FREM2: variants seen among roughly 807,000 people sequenced by gnomAD.
FREM2 encodes FRAS1 related extracellular matrix 2, also known as FRAS1-related extracellular matrix protein 2.
FREM2 carries 119 observed loss-of-function variants against 219.9 expected under a neutral mutation model. The ratio of observed to expected loss-of-function variants is 0.54; its 90% CI spans 0.47 to 0.63. The LOEUF is 0.63. Among genes scored for constraint, FREM2 ranks in the 30% least tolerant of loss-of-function variants. The pLI is 0.00. For synonymous variants in FREM2, 1,562 were observed against 1,522.8 expected (o/e 1.03, Z -0.60); for missense variants, 4,030 against 3,993.6 (o/e 1.01, Z -0.25).
chr13:38,815,459 T>C (rs957865708), intron 6 of FREM2, among the ~76,000 whole-genome samples: 1 of 152,164 alleles, frequency 6.6e-6, no homozygotes, highest in Non-Finnish European at 1.5e-5. Flanking sequence ...GAAAAACCTT[T>C]AGCTAGACTA....
intron 6 of FREM2, among the ~76,000 whole-genome samples, chr13:38,788,744 T>A (rs1292533520): frequency 6.6e-6 from 1 of 152,134 alleles, no homozygotes; most frequent in Non-Finnish European, 1.5e-5. Flanking sequence ...TTTTTGTCTT[T>A]TTCTCATTGA....
chr13:38,703,554 A>C (rs956057190), intron 2 of FREM2, among the ~76,000 whole-genome samples: 1 of 152,174 alleles, frequency 6.6e-6, no homozygotes, highest in African/African-American at 2.4e-5. Context: ...TCAAGTCATC[A>C]GGGTGTTTCT....
chr13:38,727,075 G>A (rs145598685), intron 2 of FREM2, among the ~76,000 whole-genome samples: 16 of 152,240 alleles, frequency 1.1e-4, no homozygotes, highest in African/African-American at 3.4e-4. Context: ...CTTGTTGGAC[G>A]TAGTTTTTGA....
intron 6 of FREM2, among the ~76,000 whole-genome samples, chr13:38,797,708 T>G (rs1214133594): frequency 1.3e-5 from 2 of 152,056 alleles, no homozygotes; most frequent in African/African-American, 4.8e-5. Context: ...TTTCCCCATT[T>G]TTTTCCTAGT....
At chr13:38,799,068 T>A (rs1285740199) in intron 6 of FREM2, among the ~76,000 whole-genome samples, 1 of 149,532 alleles carries the variant, frequency 6.7e-6, no homozygotes, top group African/African-American at 2.6e-5. Flanking sequence ...CGCATCATTA[T>A]GTTGTTTATT....
chr13:38,785,737 C>G (rs965786512), intron 6 of FREM2, among the ~76,000 whole-genome samples: 6 of 152,150 alleles, frequency 3.9e-5, no homozygotes, highest in African/African-American at 1.4e-4. Flanking sequence ...ATGGTACTGG[C>G]TCCTCTGTAC....
chr13:38,812,850 T>C (rs961934155), intron 6 of FREM2, among the ~76,000 whole-genome samples: 2 of 149,952 alleles, frequency 1.3e-5, no homozygotes, highest in African/African-American at 4.9e-5. Flanking sequence ...ACCACTGCAC[T>C]CCAGTCTGGG....
chr13:38,882,105 A>G lies in FREM2; in HGVS notation c.*1318A>G, dbSNP rs1231685883. 3 of 152,206 alleles carry G rather than the reference A, an allele frequency of 2.0e-5. No homozygotes were observed. Among genetic ancestry groups the G allele is most frequent in the Non-Finnish European group, 2.9e-5 (2 of 68,036 alleles). 9.4% of individuals were successfully genotyped at this position (152,206 alleles called of 1,614,324 possible). Reference sequence around the variant, plus strand: ...TGCTTACCATTCACCTCCCAAAGCCAAGGAACTTGAGTGAGCTTCCTTGGC... The same window carrying G: ...TGCTTACCATTCACCTCCCAAAGCCGAGGAACTTGAGTGAGCTTCCTTGGC... On this transcript the variant is annotated 3_prime_UTR_variant, in exon 24 of 24. Transcript: ENST00000280481.
At chr13:38,712,165 A>G (rs1403082070) in intron 2 of FREM2, among the ~76,000 whole-genome samples, 1 of 151,850 alleles carries the variant, frequency 6.6e-6, no homozygotes, top group Non-Finnish European at 1.5e-5. Flanking sequence ...AAGTGCTGGG[A>G]TTACAGGCGT....
In FREM2 at chr13:38,884,114, T is replaced by A. The variant is rs1484398967; in HGVS notation, c.*3327T>A. 6.6e-6 allele frequency: 1 copy of A among 152,202 alleles called. No homozygotes were observed. Among genetic ancestry groups the A allele is most frequent in the East Asian group, 1.9e-4 (1 of 5,192 alleles). 9.4% of individuals were successfully genotyped at this position (152,202 alleles called of 1,614,324 possible). On this transcript the variant is annotated 3_prime_UTR_variant, in exon 24 of 24. Transcript: ENST00000280481. Reference sequence around the variant, plus strand: ...GAAGAATCCACAGTGTTTGAACAATTTGCATAAAGGTCAGCTAGCATCCTG... The same window carrying A: ...GAAGAATCCACAGTGTTTGAACAATATGCATAAAGGTCAGCTAGCATCCTG...
intron 6 of FREM2, among the ~76,000 whole-genome samples, chr13:38,799,931 CTG>C (rs1429705767): frequency 3.9e-5 from 6 of 152,062 alleles, no homozygotes; most frequent in African/African-American, 1.4e-4. Context: ...TTCAGCCAGT[CTG>C]TATCTTTCAA....
chr13:38,743,596 A>G (rs1418114841), intron 2 of FREM2, among the ~76,000 whole-genome samples: 1 of 152,150 alleles, frequency 6.6e-6, no homozygotes, highest in East Asian at 1.9e-4. Context: ...GCAAGTACAG[A>G]AAGTCTTGTA....
rs1231063477 is a variant in FREM2 at position 38,687,468 on chromosome 13, A to G, written c.124A>G (p.Ser42Gly). The change falls in exon 1 of 24, where the codon AGC becomes GGC. Residue 42 changes from serine (S) to glycine (G), a missense_variant. By Grantham distance (56) the Ser-to-Gly change is moderately conservative. Coordinates refer to ENST00000280481, the MANE Select transcript of FREM2 (RefSeq NM_207361.6). ...LLLLLLLSLV[S>G]RVPAQPAAFG... ...GCTGCTGCTTCTCCTGTCACTGGTA[A>G]GCCGCGTCCCGGCACAGCCCGCTGC... 1.3e-6 allele frequency: 2 copies of G among 1,591,678 alleles called. No homozygotes were observed. The highest frequency in any genetic ancestry group is 8.5e-7 in the Non-Finnish European group (1 of 1,169,796).
At position 38,692,342 on chromosome 13, in the gene FREM2, A is replaced by T; in HGVS notation, c.4998A>T (p.Thr1666=). Residue 1666 remains threonine (T), a synonymous_variant, in exon 1 of 24, where the codon ACA becomes ACT. Coordinates refer to ENST00000280481, the MANE Select transcript of FREM2 (RefSeq NM_207361.6). ...TCGCAGTGAATAAGGGGGCCTCTACACTTCGCACTCTAGCCACTGGCCACT... is the reference window on the plus strand; with the variant it reads ...TCGCAGTGAATAAGGGGGCCTCTACTCTTCGCACTCTAGCCACTGGCCACT... ...PQIAVNKGAS[T]LRTLATGHLG... is the part of the protein sequence containing the mutation. The T allele has an allele frequency of 1.2e-6, 2 of 1,604,430 alleles. No individual in the cohort carries two copies. Among genetic ancestry groups the T allele is most frequent in the Admixed American group, 3.4e-5 (2 of 59,088 alleles).
chr13:38,781,378 C>T (rs1874111534), intron 4 of FREM2, among the ~76,000 whole-genome samples: 1 of 152,118 alleles, frequency 6.6e-6, no homozygotes, highest in Non-Finnish European at 1.5e-5. Flanking sequence ...TTAGGCCCCT[C>T]TACTCACACC....
intron 4 of FREM2, among the ~76,000 whole-genome samples, chr13:38,782,678 G>A (rs1383818834): frequency 6.6e-6 from 1 of 152,192 alleles, no homozygotes; most frequent in Non-Finnish European, 1.5e-5. Context: ...TTCCTCATCT[G>A]CAAAGTGGGA....
chr13:38,705,850 C>T (rs143925049), intron 2 of FREM2, among the ~76,000 whole-genome samples: 7 of 152,132 alleles, frequency 4.6e-5, no homozygotes, highest in African/African-American at 1.4e-4. Flanking sequence ...CTTCCTTTCT[C>T]CTGTCTTTCT....
At chr13:38,714,140 C>T (rs868258386) in intron 2 of FREM2, among the ~76,000 whole-genome samples, 5 of 152,222 alleles carry the variant, frequency 3.3e-5, no homozygotes, top group African/African-American at 7.2e-5. Context: ...ATATTTGTGT[C>T]CTGAGCAGTG....
Position 38,692,322 on chromosome 13 carries a change from G to A in FREM2, c.4978G>A (p.Val1660Met). Residue 1660 changes from valine (V) to methionine (M), a missense_variant, in exon 1 of 24, where the codon GTG becomes ATG. Physicochemically the swap from Val to Met is conservative, Grantham distance 21. This residue lies in a region of FREM2 where 3,102 missense variants were observed against 2,950.7 expected (regional missense o/e 1.05). Coordinates refer to ENST00000280481, the MANE Select transcript of FREM2 (RefSeq NM_207361.6). ...TGACAACAGTGTCCCCCAAATCGCAGTGAATAAGGGGGCCTCTACACTTCG... is the reference window on the plus strand; with the variant it reads ...TGACAACAGTGTCCCCCAAATCGCAATGAATAAGGGGGCCTCTACACTTCG... ...AVDNSVPQIAVNKGASTLRTL... is the reference protein window; with the variant it reads ...AVDNSVPQIAMNKGASTLRTL... The A allele has an allele frequency of 6.2e-7, 1 of 1,605,650 alleles. No individual in the cohort carries two copies. The highest frequency in any genetic ancestry group is 8.5e-7 in the Non-Finnish European group (1 of 1,175,494).
Sources: gnomAD v4.1 joint callset for allele counts (sites outside exome capture counted in the v4.1 genomes callset) on GRCh38, gnomAD v4.1.1 for gene constraint, gnomAD v4.1.1 regional missense constraint, MANE v1.5 for transcripts, NCBI Gene and HGNC (gene_info 2026-07-23, HGNC 2026-07-21) for gene names.